Variants in CANT1 observed in about 807,000 individuals in gnomAD.
The protein encoded by CANT1 is calcium activated nucleotidase 1.
A neutral mutation model predicts 30.0 loss-of-function variants in CANT1; 26 were observed. The observed-to-expected ratio is 0.87, with a 90% CI of 0.64 to 1.20. CANT1 has a LOEUF of 1.20. Ranked by LOEUF, CANT1 falls within the 50% of genes most tolerant of loss-of-function variation. The pLI, the probability that CANT1 is intolerant of heterozygous loss-of-function variation, is 0.00. For missense variants in CANT1, 518 were observed against 563.0 expected, an observed-to-expected ratio of 0.92 and a Z score of 0.81; for synonymous variants, 246 against 251.8, an observed-to-expected ratio of 0.98 and a Z score of 0.22.
intron 1 of CANT1, chr17:79,000,249 G>A (rs1056980493): frequency 5.9e-5 from 9 of 152,168 alleles, no homozygotes; most frequent in African/African-American, 2.2e-4. Flanking sequence ...AGCTCTCTCA[G>A]GATCCTGGGA....
rs764123397 is a variant in CANT1, at chr17:78,992,769, G to C, written c.*781C>G. 5 of 584,906 alleles carry C rather than the reference G, an allele frequency of 8.5e-6. No homozygotes were observed. The highest frequency in any genetic ancestry group is 3.4e-5 in the East Asian group (1 of 29,056). 36.2% of individuals were successfully genotyped at this position (584,906 alleles called of 1,614,324 possible). ...TTACAATCTCCCGCACTGCTGGAGC[G>C]GGCTGGGTAACTACAGGACTGTGCT... On this transcript the variant is annotated 3_prime_UTR_variant, in exon 5 of 5. Transcript: ENST00000392446.
rs1215617514 is a variant in CANT1 at position 78,993,586 on chromosome 17, G to A, written c.1170C>T (p.Ile390=). 1 of 1,614,110 alleles carries A rather than the reference G, an allele frequency of 6.2e-7. No individual in the cohort carries two copies. The highest frequency in any genetic ancestry group is 1.7e-5 in the Admixed American group (1 of 60,010). Residue 390 remains isoleucine (I), a synonymous_variant, in exon 5 of 5, where the codon ATC becomes ATT. Transcript: ENST00000392446. The surrounding 1 kb of genome is among the most constrained non-coding windows in gnomAD (Gnocchi z 4.5). ...CGATGCCTTCGTATTTCACGCTTCC[G>A]ATCTTGGTCTCCGGCAACAGGAAGC... The part of the protein sequence containing the change: ...DGRFLLPETK[I]GSVKYEGIEF...
Position 78,993,933 on chromosome 17 carries a change from T to G in CANT1, c.836-13A>C. On this transcript the variant is annotated splice_polypyrimidine_tract_variant and intron_variant, in intron 4 of 4. Transcript: ENST00000392446. The surrounding 1 kb of genome is among the most constrained non-coding windows in gnomAD (Gnocchi z 4.5). Reference sequence around the variant, plus strand: ...TGGATGAGGTAGCCTGGGAACCGGGTGACCGCGGGTCAGACACGCATGCGG... The same window carrying G: ...TGGATGAGGTAGCCTGGGAACCGGGGGACCGCGGGTCAGACACGCATGCGG... The G allele has an allele frequency of 6.4e-7, 1 of 1,562,908 alleles. No homozygotes were observed. The highest frequency in any genetic ancestry group is 8.6e-7 in the Non-Finnish European group (1 of 1,162,056).
intron 4 of CANT1, among the ~76,000 whole-genome samples, chr17:78,994,266 C>T (rs555130309): frequency 3.9e-5 from 6 of 152,134 alleles, no homozygotes; most frequent in Non-Finnish European, 7.3e-5. Context: ...GAGGCATCGG[C>T]GGGGAGGCTG....
At position 78,997,068 on chromosome 17, in the gene CANT1, C is replaced by T. The variant is rs1350697094; in HGVS notation, c.555G>A (p.Gly185=). 2 of 1,614,232 alleles carry T rather than the reference C, an allele frequency of 1.2e-6. No homozygotes were observed. Among genetic ancestry groups the T allele is most frequent in the Admixed American group, 1.7e-5 (1 of 60,030 alleles). Residue 185 remains glycine, a synonymous_variant, in exon 3 of 5, where the codon GGG becomes GGA. Coordinates refer to ENST00000392446, the MANE Select transcript of CANT1 (RefSeq NM_001159773.2). This position sits in a 1 kb window ranked among gnomAD's most constrained non-coding sequence, Gnocchi z 7.5. ...GKLYSVDDRT[G]VVYQIEGSKA... ...TGCTGCCTTCGATCTGGTAGACGAC[C>T]CCCGTCCGGTCATCCACGGAGTAGA...
In CANT1 at chr17:78,995,186, G is replaced by T; in HGVS notation, c.667C>A (p.Arg223Ser). The change falls in exon 4 of 5, where the codon CGT (arginine) becomes AGT (serine). Residue 223 changes from arginine (R) to serine (S), a missense_variant. By Grantham distance (110) the Arg-to-Ser change is moderately radical. Transcript: ENST00000392446. The surrounding 1 kb of genome is among the most constrained non-coding windows in gnomAD (Gnocchi z 5.7). ...TTGCCCAGGCCGCCCACGTACAGAC[G>T]CTCGTCCTTCACTGCCAGCCATTCG... ...KAEWLAVKDE[R>S]LYVGGLGKEW... 6.2e-7 allele frequency: 1 copy of T among 1,613,694 alleles called. No individual in the cohort carries two copies.
Position 78,993,617 on chromosome 17 carries a change from T to A in CANT1, c.1139A>T (p.Asp380Val). The A allele has an allele frequency of 6.2e-7, 1 of 1,614,228 alleles. No homozygotes were observed. Among genetic ancestry groups the A allele is most frequent in the Non-Finnish European group, 8.5e-7 (1 of 1,180,036 alleles). ...VASYIMAFTL[D>V]GRFLLPETKI... ...GGTCTCCGGCAACAGGAAGCGCCCG[T>A]CCAGCGTGAAGGCCATGATGTAGGA... The change falls in exon 5 of 5, where the codon GAC (aspartate) becomes GTC (valine). Residue 380 changes from aspartate (D) to valine (V), a missense_variant. Asp to Val is a radical substitution (Grantham distance 152). Coordinates refer to ENST00000392446, the MANE Select transcript of CANT1 (RefSeq NM_001159773.2). The surrounding 1 kb of genome is among the most constrained non-coding windows in gnomAD (Gnocchi z 4.5).
At chr17:79,005,215 AAGGGAGTTAGGGAGG>A (rs1413027036) in intron 1 of CANT1, among the ~76,000 whole-genome samples, 95 of 123,866 alleles carry the variant, frequency 7.7e-4, no homozygotes, top group African/African-American at 3.0e-3. Context: ...AGTTAGGGAG[AAGGGAGTTAGGGAGG>A]GGGGAGTTAG....
At position 78,997,324 on chromosome 17, in the gene CANT1, G is replaced by C; in HGVS notation, c.299C>G (p.Pro100Arg). Residue 100 changes from proline (P) to arginine (R), a missense_variant, in exon 3 of 5, where the codon CCG (proline) becomes CGG (arginine). Physicochemically the swap from Pro to Arg is moderately radical, Grantham distance 103. Around this residue, in one of 3 missense-constraint regions of CANT1, gnomAD observed 249 missense variants for 268.8 expected, o/e 0.93. Transcript: ENST00000392446. The surrounding 1 kb of genome is among the most constrained non-coding windows in gnomAD (Gnocchi z 7.5). ...TYPLSPPQRTPAGIRYRIAVI... is the reference protein window; with the variant it reads ...TYPLSPPQRTRAGIRYRIAVI... ...TGCGATTCGATACCGAATCCCAGCC[G>C]GTGTCCTTTGTGGGGGAGACAGGGG... 2.5e-6 allele frequency: 4 copies of C among 1,614,172 alleles called. No individual in the cohort carries two copies. The highest frequency in any genetic ancestry group is 3.4e-6 in the Non-Finnish European group (4 of 1,180,040).
At position 78,997,530 on chromosome 17, in the gene CANT1, C is replaced by G. The variant is rs767188166; in HGVS notation, c.93G>C (p.Met31Ile). The change falls in exon 3 of 5, where the codon ATG becomes ATC. Residue 31 changes from methionine to isoleucine, a missense_variant. Met to Ile is a conservative substitution (Grantham distance 10). Transcript: ENST00000392446. The surrounding 1 kb of genome is among the most constrained non-coding windows in gnomAD (Gnocchi z 7.5). The stretch of plus-strand genomic sequence containing the variant: ...GGAAGCGGGGGTCCGCGGCCTTGGT[C>G]ATGGACGCCAGCACAGGAAGGCCCC... ...SVGGLPVLAS[M>I]TKAADPRFRP... is the part of the protein sequence containing the mutation. The G allele has an allele frequency of 6.4e-7, 1 of 1,567,146 alleles. No homozygotes were observed. Among genetic ancestry groups the G allele is most frequent in the South Asian group, 1.2e-5 (1 of 83,390 alleles).
intron 4 of CANT1, among the ~76,000 whole-genome samples, chr17:78,994,335 C>G (rs1342399043): frequency 6.6e-6 from 1 of 152,224 alleles, no homozygotes; most frequent in East Asian, 1.9e-4. Flanking sequence ...GACTCAGTCA[C>G]TTCCTCCTGA....
intron 1 of CANT1, among the ~76,000 whole-genome samples, chr17:79,006,770 G>A (rs1453097891): frequency 6.6e-6 from 1 of 152,166 alleles, no homozygotes; most frequent in Non-Finnish European, 1.5e-5. Flanking sequence ...ATAACGGGAT[G>A]GGATCATCGC....
In CANT1 at chr17:78,993,763, A is replaced by G; in HGVS notation, c.993T>C (p.Ala331=). 1 of 1,613,538 alleles carries G rather than the reference A, an allele frequency of 6.2e-7. No homozygotes were observed. Among genetic ancestry groups the G allele is most frequent in the Non-Finnish European group, 8.5e-7 (1 of 1,180,020 alleles). Residue 331 remains alanine, a synonymous_variant, in exon 5 of 5, where the codon GCT becomes GCC. Transcript: ENST00000392446. The surrounding 1 kb of genome is among the most constrained non-coding windows in gnomAD (Gnocchi z 4.5). ...LSASPDFGDI[A]VSHVGAVVPT... is the part of the protein sequence containing the mutation. ...GGACCACCGCCCCGACGTGGCTCAC[A>G]GCGATGTCGCCGAAGTCAGGGGAGG...
chr17:78,993,494 T>C lies in CANT1; in HGVS notation c.*56A>G. Reference sequence around the variant, plus strand: ...ACAAAACAAAACAAAAGTGCACTCCTCTTGTTTTTATAAAAGCTGAGTCCT... The same window carrying C: ...ACAAAACAAAACAAAAGTGCACTCCCCTTGTTTTTATAAAAGCTGAGTCCT... On this transcript the variant is annotated 3_prime_UTR_variant, in exon 5 of 5. Coordinates refer to ENST00000392446, the MANE Select transcript of CANT1 (RefSeq NM_001159773.2). The surrounding 1 kb of genome is among the most constrained non-coding windows in gnomAD (Gnocchi z 4.5). 1 of 1,612,756 alleles carries C rather than the reference T, an allele frequency of 6.2e-7. No individual in the cohort carries two copies. The highest frequency in any genetic ancestry group is 1.7e-4 in the Middle Eastern group (1 of 5,888).
rs1041340095 is a variant in CANT1 at position 79,002,966 on chromosome 17, G to A, written c.-146-5003C>T. On this transcript the variant is annotated intron_variant, in intron 1 of 4. Transcript: ENST00000392446. This position sits in a 1 kb window ranked among gnomAD's most constrained non-coding sequence, Gnocchi z 4.0. ...CCCACCCGGGAGGCTCATGTCCTCT[G>A]ACCACATGGAACCAGAGGTGTCTGA... Among the ~76,000 whole-genome samples the A allele has an allele frequency of 2.6e-5, 4 of 152,234 alleles. No homozygotes were observed. The highest frequency in any genetic ancestry group is 1.5e-5 in the Non-Finnish European group (1 of 68,052).
At chr17:78,999,555 A>C (rs561055656) in intron 1 of CANT1, among the ~76,000 whole-genome samples, 107 of 151,874 alleles carry the variant, frequency 7.0e-4, no homozygotes, top group African/African-American at 2.5e-3. Context: ...CGCTCACTGC[A>C]GCCTCAACCT....
Position 78,997,781 on chromosome 17 carries a change from C to T in CANT1, c.-23+59G>A, listed in dbSNP as rs1342326431. On this transcript the variant is annotated intron_variant, in intron 2 of 4. Coordinates refer to ENST00000392446, the MANE Select transcript of CANT1 (RefSeq NM_001159773.2). The surrounding 1 kb of genome is among the most constrained non-coding windows in gnomAD (Gnocchi z 7.5). ...TCACTACTCTGTGGCCATTCTTACT[C>T]CCTTGGCTTAATGAATTCCCGACTC... 1.5e-6 allele frequency: 1 copy of T among 672,380 alleles called. No homozygotes were observed. The allele number at this position is 672,380 out of a possible 1,614,324, so 41.7% of individuals were successfully genotyped here.
At position 78,998,343 on chromosome 17, in the gene CANT1, C is replaced by T. The variant is rs146104085; in HGVS notation, c.-146-380G>A. 723 of 152,634 alleles carry T rather than the reference C, an allele frequency of 4.7e-3. 7 individuals carry two copies. Among genetic ancestry groups the T allele is most frequent in the Middle Eastern group, 0.017 (5 of 294 alleles). The allele number at this position is 152,634 out of a possible 1,614,324, so 9.5% of individuals were successfully genotyped here. On this transcript the variant is annotated intron_variant, in intron 1 of 4. Coordinates refer to ENST00000392446, the MANE Select transcript of CANT1 (RefSeq NM_001159773.2). This position sits in a 1 kb window ranked among gnomAD's most constrained non-coding sequence, Gnocchi z 4.5. ...CCAAATAAAAACACTCCTTCTTTTT[C>T]GTATCTGTTGTTGTTTTTGGCAGTG...
At position 78,995,044 on chromosome 17, in the gene CANT1, C is replaced by A; in HGVS notation, c.809G>T (p.Arg270Leu). The change falls in exon 4 of 5, where the codon CGG becomes CTG. Residue 270 changes from arginine (R) to leucine (L), a missense_variant. Around this residue, in one of 3 missense-constraint regions of CANT1, gnomAD observed 221 missense variants for 211.8 expected, o/e 1.04. Transcript: ENST00000392446. This position sits in a 1 kb window ranked among gnomAD's most constrained non-coding sequence, Gnocchi z 5.7. ...ENWVSNYNAL[R>L]AAAGIQPPGY... Reference sequence around the variant, plus strand: ...TGGCGGCTGGATGCCGGCAGCAGCCCGCAGGGCGTTGTAGTTGGACACCCA... The same window carrying A: ...TGGCGGCTGGATGCCGGCAGCAGCCAGCAGGGCGTTGTAGTTGGACACCCA... The A allele has an allele frequency of 6.3e-7, 1 of 1,588,264 alleles. No homozygotes were observed. Among genetic ancestry groups the A allele is most frequent in the East Asian group, 2.3e-5 (1 of 43,744 alleles).
Sources: gnomAD v4.1 joint callset for allele counts (sites outside exome capture counted in the v4.1 genomes callset) on GRCh38, gnomAD v4.1.1 for gene constraint, gnomAD v4.1.1 regional missense constraint, Gnocchi (gnomAD v3.1) non-coding constraint, MANE v1.5 for transcripts, NCBI Gene and HGNC (gene_info 2026-07-23, HGNC 2026-07-21) for gene names.